The following CAMSAP2 variants were observed in gnomAD, a reference collection of about 807,000 sequenced individuals.
The protein encoded by CAMSAP2 is calmodulin-regulated spectrin-associated protein 2.
A neutral mutation model predicts 146.1 loss-of-function variants in CAMSAP2; 26 were observed. The observed-to-expected ratio is 0.18, with a 90% CI of 0.13 to 0.25. The LOEUF (loss-of-function observed/expected upper bound fraction) is 0.25, where lower values mean the gene tolerates loss of function less well. CAMSAP2 is among the 10% of genes least tolerant of loss of function. The pLI is 1.00. For missense variants in CAMSAP2, 1,381 were observed against 1,759.3 expected (o/e 0.78, Z 3.85); for synonymous variants, 499 against 596.6 (o/e 0.84, Z 2.38).
At chr1:200,755,246 TAAAC>T (rs1424789338) in intron 1 of CAMSAP2, among the ~76,000 whole-genome samples, 1 of 152,232 alleles carries the variant, frequency 6.6e-6, no homozygotes, top group Non-Finnish European at 1.5e-5. Context: ...AGACAGATAG[TAAAC>T]ACACACATAT....
In CAMSAP2 at chr1:200,768,943, G is replaced by A. The variant is rs759551206; in HGVS notation, c.399+7845G>A. ...CAGGGGATTACAGGCATGAGCCACT[G>A]TGCCTGGCTGGAGAGACCTCGTTAA... On this transcript the variant is annotated intron_variant, in intron 2 of 16. Coordinates refer to ENST00000358823, the MANE Select transcript of CAMSAP2 (RefSeq NM_203459.4). 3.9e-5 allele frequency among the ~76,000 whole-genome samples: 6 copies of A among 152,146 alleles called. No homozygotes were observed. The South Asian group carries it at 6.2e-4, about 16-fold the overall frequency.
intron 2 of CAMSAP2, among the ~76,000 whole-genome samples, chr1:200,794,808 G>T (rs1665842302): frequency 6.6e-6 from 1 of 152,158 alleles, no homozygotes; most frequent in African/African-American, 2.4e-5. Flanking sequence ...GTAGTTTTGT[G>T]CATTTTTCAG....
chr1:200,841,873 C>T (rs1270867556), intron 6 of CAMSAP2, 121 bp from the exon 7 acceptor site: 1 of 700,538 alleles, frequency 1.4e-6, no homozygotes, highest in African/African-American at 1.8e-5. Context: ...TAATAGCCTA[C>T]TATAGTGAAT....
chr1:200,773,377 C>A (rs1208381786), intron 2 of CAMSAP2, among the ~76,000 whole-genome samples: 3 of 152,118 alleles, frequency 2.0e-5, no homozygotes, highest in East Asian at 1.9e-4. Context: ...CCTCACCCTC[C>A]CAAGTAGCTG....
chr1:200,856,742 C>G (rs557281989), intron 15 of CAMSAP2, among the ~76,000 whole-genome samples: 2 of 152,186 alleles, frequency 1.3e-5, no homozygotes, highest in East Asian at 3.9e-4. Flanking sequence ...GGAGATGCCT[C>G]CATCTATCCA....
At chr1:200,834,211 A>T (rs551094160) in intron 6 of CAMSAP2, among the ~76,000 whole-genome samples, 27 of 152,218 alleles carry the variant, frequency 1.8e-4, no homozygotes, top group Middle Eastern at 6.8e-3. Flanking sequence ...AAAAATACAA[A>T]CACTAGCCAG....
At chr1:200,801,279 A>G (rs2102128032) in intron 2 of CAMSAP2, among the ~76,000 whole-genome samples, 2 of 151,788 alleles carry the variant, frequency 1.3e-5, no homozygotes, top group East Asian at 3.9e-4. Context: ...AAAAAAAAAA[A>G]TAGAATGTTG....
At chr1:200,795,627 A>G (rs1302508867) in intron 2 of CAMSAP2, among the ~76,000 whole-genome samples, 1 of 152,212 alleles carries the variant, frequency 6.6e-6, no homozygotes, top group African/African-American at 2.4e-5. Context: ...TTGCGTTTCA[A>G]TAGATATTTG....
chr1:200,818,245 A>T (rs1464075272), intron 4 of CAMSAP2, among the ~76,000 whole-genome samples: 1 of 152,152 alleles, frequency 6.6e-6, no homozygotes, highest in Admixed American at 6.5e-5. Context: ...CCCAAGAAAC[A>T]TTTTTTTAAT....
chr1:200,746,742 C>T (rs1041536428), intron 1 of CAMSAP2, among the ~76,000 whole-genome samples: 6 of 151,552 alleles, frequency 4.0e-5, no homozygotes, highest in African/African-American at 1.5e-4. Context: ...CCTCAGCCTC[C>T]CGAGTAGCTG....
chr1:200,750,285 A>G (rs915115499), intron 1 of CAMSAP2, among the ~76,000 whole-genome samples: 7 of 152,132 alleles, frequency 4.6e-5, no homozygotes, highest in African/African-American at 1.7e-4. Flanking sequence ...TTATGGTTGA[A>G]GGAGAGGGAG....
At chr1:200,784,954 G>A (rs1355861391) in intron 2 of CAMSAP2, among the ~76,000 whole-genome samples, 1 of 152,144 alleles carries the variant, frequency 6.6e-6, no homozygotes, top group Non-Finnish European at 1.5e-5. Flanking sequence ...GTATGTTTAT[G>A]TTTTTAAAAT....
intron 4 of CAMSAP2, among the ~76,000 whole-genome samples, chr1:200,831,588 C>A (rs1667044534): frequency 6.6e-6 from 1 of 151,808 alleles, no homozygotes; most frequent in African/African-American, 2.4e-5. Flanking sequence ...GAGCAAGAAC[C>A]CGTATACTTG....
At chr1:200,845,000 CCTATTAAAG>C in intron 8 of CAMSAP2, 131 bp downstream of exon 8, 1 of 454,260 alleles carries the variant, frequency 2.2e-6, no homozygotes, top group Non-Finnish European at 3.8e-6. Flanking sequence ...ATTAGCTTAC[CCTATTAAAG>C]CCTGTTTTAA....
chr1:200,747,761 A>T (rs534192322), intron 1 of CAMSAP2, among the ~76,000 whole-genome samples: 1 of 152,286 alleles, frequency 6.6e-6, no homozygotes, highest in East Asian at 1.9e-4. Flanking sequence ...CTGTAATCCC[A>T]GCACTCTGGG....
At chr1:200,850,416 T>A (rs1029364568) in intron 11 of CAMSAP2, among the ~76,000 whole-genome samples, 182 bp downstream of exon 11, 1 of 152,216 alleles carries the variant, frequency 6.6e-6, no homozygotes. Flanking sequence ...GACTCAAAGC[T>A]GTAATAAATC....
chr1:200,831,798 G>C (rs79057783), intron 4 of CAMSAP2, among the ~76,000 whole-genome samples: 6,092 of 151,740 alleles, frequency 0.04, 165 homozygotes, highest in South Asian at 0.069. Flanking sequence ...TGCTTGAATA[G>C]TATTCTTGCT....
chr1:200,849,346 G>T lies in CAMSAP2; in HGVS notation c.2577G>T (p.Glu859Asp). ...CTCCAACTACACCTATTGATCCTGA[G>T]AAGCAGTGGAACCTGGCAAGCCCCT... ...LKSPTTPIDPEKQWNLASPSE... is the reference protein window; with the variant it reads ...LKSPTTPIDPDKQWNLASPSE... Residue 859 changes from glutamate (E) to aspartate (D), a missense_variant, in exon 11 of 17, where the codon GAG (glutamate) becomes GAT (aspartate). By Grantham distance (45) the Glu-to-Asp change is conservative. Coordinates refer to ENST00000358823, the MANE Select transcript of CAMSAP2 (RefSeq NM_203459.4). This position sits in a 1 kb window ranked among gnomAD's most constrained non-coding sequence, Gnocchi z 6.3. 6.2e-7 allele frequency: 1 copy of T among 1,614,088 alleles called. No individual in the cohort carries two copies. The highest frequency in any genetic ancestry group is 1.1e-5 in the South Asian group (1 of 91,080).
chr1:200,762,698 G>A (rs558488055), intron 2 of CAMSAP2, among the ~76,000 whole-genome samples: 2 of 152,166 alleles, frequency 1.3e-5, no homozygotes, highest in Non-Finnish European at 2.9e-5. Flanking sequence ...CCTCTAATAA[G>A]AATGAAACAA....
Sources: gnomAD v4.1 joint callset for allele counts (sites outside exome capture counted in the v4.1 genomes callset) on GRCh38, gnomAD v4.1.1 for gene constraint, Gnocchi (gnomAD v3.1) non-coding constraint, MANE v1.5 for transcripts, NCBI Gene and HGNC (gene_info 2026-07-23, HGNC 2026-07-21) for gene names.